COG3: variants seen among roughly 807,000 people sequenced by gnomAD.
COG3 encodes conserved oligomeric Golgi complex subunit 3.
COG3 carries 32 observed loss-of-function variants against 114.1 expected under a neutral mutation model. That is an observed-to-expected ratio of 0.28 (90% CI 0.21 to 0.38). COG3 has a LOEUF of 0.38. Ranked by LOEUF, COG3 falls within the 10% of genes least tolerant of loss-of-function variation. COG3 has a pLI of 1.00. For missense variants in COG3, 813 were observed against 973.2 expected, an observed-to-expected ratio of 0.84 and a Z score of 2.19; for synonymous variants, 352 against 365.7, an observed-to-expected ratio of 0.96 and a Z score of 0.43.
In COG3 at chr13:45,508,423, CACATACACAT is replaced by C. The variant is rs1566262642; in HGVS notation, c.1595-1267_1595-1258del. Among the ~76,000 whole-genome samples the C allele has an allele frequency of 1.2e-3, 130 of 109,912 alleles. 1 individual carries two copies. Among genetic ancestry groups the C allele is most frequent in the African/African-American group, 5.6e-3 (126 of 22,476 alleles). 72.1% of individuals were successfully genotyped at this position (109,912 alleles called of 152,430 possible). A position where few individuals can be genotyped will look rare whatever the true frequency, so the allele number is the denominator to read the frequency against. ...ATATATACACACACACACACACACA[CACATACACAT>C]ATATATACATATATGTGTATGTGTG... On this transcript the variant is annotated intron_variant, in intron 14 of 22. Transcript: ENST00000349995.
intron 2 of COG3, among the ~76,000 whole-genome samples, chr13:45,478,288 T>C (rs1006182063): frequency 6.6e-6 from 1 of 150,442 alleles, no homozygotes; most frequent in African/African-American, 2.5e-5. Context: ...GCCTCCCGGG[T>C]TCATGCCATT....
chr13:45,486,339 C>CGGGAGACGGGAGACGGGAGA (rs1555295083), intron 7 of COG3, among the ~76,000 whole-genome samples, 156 bp from the exon 8 acceptor site: 8 of 55,232 alleles, frequency 1.4e-4, no homozygotes, highest in Non-Finnish European at 2.1e-4. Context: ...AGACGGGAGA[C>CGGGAGACGGGAGACGGGAGA]GGGAGAGGGA....
At chr13:45,522,471 C>G (rs948379164) in intron 19 of COG3, among the ~76,000 whole-genome samples, 10 of 152,156 alleles carry the variant, frequency 6.6e-5, no homozygotes, top group African/African-American at 1.9e-4. Context: ...TTAATTCTTA[C>G]TACATCCCTG....
Position 45,529,135 on chromosome 13 carries a change from C to T in COG3, c.2231-656C>T, listed in dbSNP as rs1017834493. The stretch of plus-strand genomic sequence containing the variant: ...ACATTTATTTATGAGTGAGGTTGAG[C>T]ATCTTTGAAATTGTTAATAGTCTTT... On this transcript the variant is annotated intron_variant, in intron 20 of 22. Transcript: ENST00000349995. Among the ~76,000 whole-genome samples the T allele has an allele frequency of 2.6e-5, 4 of 152,296 alleles. No homozygotes were observed. In the East Asian group the frequency reaches 7.7e-4, roughly 29 times the overall value.
intron 13 of COG3, among the ~76,000 whole-genome samples, chr13:45,498,653 GT>G (rs1235220929): frequency 6.6e-6 from 1 of 151,396 alleles, no homozygotes. Context: ...GTTTTGTTTT[GT>G]TTTGTTTTTG....
intron 1 of COG3, among the ~76,000 whole-genome samples, chr13:45,469,089 A>G (rs1275420333): frequency 1.3e-5 from 2 of 152,154 alleles, no homozygotes; most frequent in Non-Finnish European, 2.9e-5. Flanking sequence ...GGTTTGAGAG[A>G]AGATGGTTTT....
Position 45,536,000 on chromosome 13 carries a change from C to A in COG3, c.*1269C>A. 6.0e-6 allele frequency: 2 copies of A among 334,086 alleles called. No homozygotes were observed. The highest frequency in any genetic ancestry group is 8.6e-6 in the Non-Finnish European group (2 of 232,878). 20.7% of individuals were successfully genotyped at this position (334,086 alleles called of 1,614,324 possible). On this transcript the variant is annotated 3_prime_UTR_variant, in exon 23 of 23. Coordinates refer to ENST00000349995, the MANE Select transcript of COG3 (RefSeq NM_031431.4). ...CTGTAACTCATTAGACGTACTGAGG[C>A]AGCACTTCTGCAGGGTGCATACCCT...
intron 13 of COG3, 31 bp from the exon 14 acceptor site, chr13:45,503,213 C>T (rs774338089): frequency 1.1e-4 from 118 of 1,068,586 alleles, no homozygotes; most frequent in African/African-American, 4.3e-4. Context: ...CTGCTGAAAA[C>T]GGTAACATTC....
chr13:45,492,052 A>G, intron 10 of COG3, 107 bp from the exon 11 acceptor site: 1 of 612,822 alleles, frequency 1.6e-6, no homozygotes, highest in Non-Finnish European at 2.8e-6. Flanking sequence ...AGTTGTTTTA[A>G]GAGTGTGTAT....
rs968336252 is a variant in COG3, at chr13:45,536,649, G to A, written c.*1918G>A. On this transcript the variant is annotated 3_prime_UTR_variant, in exon 23 of 23. Transcript: ENST00000349995. ...TACCTTGTCCTCACGTGTCTGATAC[G>A]TGTGTGCATTCCTTGAGGAAAATTT... 8 of 152,018 alleles carry A rather than the reference G, an allele frequency of 5.3e-5. No homozygotes were observed. Among genetic ancestry groups the A allele is most frequent in the South Asian group, 2.1e-4 (1 of 4,816 alleles). 9.4% of individuals were successfully genotyped at this position (152,018 alleles called of 1,614,324 possible). A position where few individuals can be genotyped will look rare whatever the true frequency, so the allele number is the denominator to read the frequency against.
chr13:45,488,176 TG>T (rs1183033227), intron 8 of COG3, among the ~76,000 whole-genome samples: 1 of 152,068 alleles, frequency 6.6e-6, no homozygotes, highest in Non-Finnish European at 1.5e-5. Context: ...CTAAAAAAGT[TG>T]GTCTTGTGGA....
intron 1 of COG3, 142 bp from the exon 2 acceptor site, chr13:45,476,059 A>G (rs1047660680): frequency 6.5e-5 from 47 of 724,474 alleles, no homozygotes; most frequent in Middle Eastern, 7.1e-4. Context: ...TGTTAGTACT[A>G]TATAGTATTT....
intron 13 of COG3, among the ~76,000 whole-genome samples, chr13:45,497,818 CA>C (rs201332260): frequency 4.3e-5 from 6 of 140,920 alleles, no homozygotes; most frequent in African/African-American, 1.6e-4. Flanking sequence ...ACAACAACAA[CA>C]AAGTATGACC....
In COG3 at chr13:45,492,122, T is replaced by C. The variant is rs748351283; in HGVS notation, c.1096-37T>C. On this transcript the variant is annotated intron_variant, in intron 10 of 22. Coordinates refer to ENST00000349995, the MANE Select transcript of COG3 (RefSeq NM_031431.4). ...TCATAAACATCAGAAATGTTGTGTG[T>C]CTTTAACTGTAGGTGGTGTGTGTTT... 2.6e-5 allele frequency: 32 copies of C among 1,229,760 alleles called. 1 individual carries two copies. The highest frequency in any genetic ancestry group is 1.9e-5 in the Admixed American group (1 of 53,842). 76.2% of individuals were successfully genotyped at this position (1,229,760 alleles called of 1,614,324 possible). A position where few individuals can be genotyped will look rare whatever the true frequency, so the allele number is the denominator to read the frequency against.
chr13:45,512,586 G>C (rs925734303), intron 16 of COG3, among the ~76,000 whole-genome samples: 3 of 151,670 alleles, frequency 2.0e-5, no homozygotes, highest in Non-Finnish European at 4.4e-5. Flanking sequence ...GCCCACCTTG[G>C]CCTCCCAGAG....
chr13:45,507,829 G>A (rs1484680582), intron 14 of COG3, among the ~76,000 whole-genome samples: 1 of 151,244 alleles, frequency 6.6e-6, no homozygotes, highest in Non-Finnish European at 1.5e-5. Flanking sequence ...CAGCACTTTG[G>A]GAGGCTGAGG....
chr13:45,520,145 C>T (rs149896724), intron 19 of COG3, among the ~76,000 whole-genome samples: 240 of 151,964 alleles, frequency 1.6e-3, no homozygotes, highest in African/African-American at 5.6e-3. Context: ...CAAAATTAGC[C>T]ATGTGTAGTG....
intron 22 of COG3, 96 bp downstream of exon 22, chr13:45,530,876 A>G: frequency 7.3e-7 from 1 of 1,368,958 alleles, no homozygotes; most frequent in Non-Finnish European, 9.6e-7. Context: ...TTTTAGTATT[A>G]ATTTAAAAAA....
chr13:45,535,173 T>G lies in COG3; in HGVS notation c.*442T>G, dbSNP rs1157336998. 11 of 989,326 alleles carry G rather than the reference T, an allele frequency of 1.1e-5. No homozygotes were observed. The Admixed American group carries it at 6.7e-4, about 60-fold the overall frequency. 61.3% of individuals were successfully genotyped at this position (989,326 alleles called of 1,614,324 possible). On this transcript the variant is annotated 3_prime_UTR_variant, in exon 23 of 23. Transcript: ENST00000349995. Reference sequence around the variant, plus strand: ...CTTTTAACCACTGAGCATTCCACAGTGAAATGTTATTTCTATGCTCTTATT... The same window carrying G: ...CTTTTAACCACTGAGCATTCCACAGGGAAATGTTATTTCTATGCTCTTATT...
Sources: allele counts gnomAD v4.1 joint callset (sites outside exome capture counted in the v4.1 genomes callset), GRCh38; gene constraint gnomAD v4.1.1; transcripts MANE v1.5; gene names NCBI Gene and HGNC (gene_info 2026-07-23, HGNC 2026-07-21).